Variants in XKR9 observed in about 807,000 individuals in gnomAD.
XKR9 encodes XK-related protein 9.
In XKR9, 32 loss-of-function variants were observed where a neutral mutation model predicts 32.0. The ratio of observed to expected loss-of-function variants is 1.00; its 90% CI spans 0.76 to 1.34. The LOEUF (loss-of-function observed/expected upper bound fraction) is 1.34. Ranked by LOEUF, XKR9 falls within the 40% of genes most tolerant of loss-of-function variation. XKR9 has a pLI of 0.00. For synonymous variants in XKR9, 168 were observed against 143.4 expected, an observed-to-expected ratio of 1.17 and a Z score of -1.22; for missense variants, 546 against 429.7, an observed-to-expected ratio of 1.27 and a Z score of -2.39.
chr8:71,011,387 T>C, the XKR9 span, among the ~76,000 whole-genome samples: 1 of 152,186 alleles, frequency 6.6e-6, no homozygotes, highest in Non-Finnish European at 1.5e-5. Context: ...CCAAATACTT[T>C]CAAATTTTAT....
chr8:70,988,070 G>A, the XKR9 span, among the ~76,000 whole-genome samples: 1 of 152,048 alleles, frequency 6.6e-6, no homozygotes, highest in Admixed American at 6.5e-5. Context: ...GAGGACCCTG[G>A]GCCTGGTCAA....
chr8:70,771,280 C>T (rs1807450304), intron 2 of XKR9, among the ~76,000 whole-genome samples: 1 of 152,164 alleles, frequency 6.6e-6, no homozygotes, highest in African/African-American at 2.4e-5. Flanking sequence ...GAACCTGGTA[C>T]CTCAGTTGGA....
intron 2 of XKR9, among the ~76,000 whole-genome samples, chr8:70,752,232 T>G (rs1807152534): frequency 6.6e-6 from 1 of 152,248 alleles, no homozygotes; most frequent in Non-Finnish European, 1.5e-5. Flanking sequence ...ACTGGCTTCT[T>G]TAAAACACAA....
the XKR9 span, among the ~76,000 whole-genome samples, chr8:70,902,992 A>C: frequency 6.6e-6 from 1 of 152,174 alleles, no homozygotes; most frequent in East Asian, 1.9e-4. Context: ...GATGAAGCCA[A>C]CTTGATCATG....
At chr8:70,779,478 T>C (rs978755428) in intron 2 of XKR9, among the ~76,000 whole-genome samples, 6 of 152,192 alleles carry the variant, frequency 3.9e-5, no homozygotes, top group African/African-American at 1.4e-4. Flanking sequence ...TAAAATGAGG[T>C]AGGGAGGATT....
At chr8:70,900,329 C>A in the XKR9 span, among the ~76,000 whole-genome samples, 1 of 152,098 alleles carries the variant, frequency 6.6e-6, no homozygotes, top group Non-Finnish European at 1.5e-5. Flanking sequence ...AGTGCTCGCG[C>A]TTGTAATCCC....
At chr8:70,755,090 G>A (rs926499894) in intron 2 of XKR9, among the ~76,000 whole-genome samples, 6 of 152,114 alleles carry the variant, frequency 3.9e-5, no homozygotes, top group Non-Finnish European at 7.3e-5. Flanking sequence ...CCATCAAAAA[G>A]TGGCAAAGGA....
chr8:70,913,443 A>T, the XKR9 span, among the ~76,000 whole-genome samples: 1 of 152,148 alleles, frequency 6.6e-6, no homozygotes, highest in Non-Finnish European at 1.5e-5. Flanking sequence ...AACAATAAAC[A>T]TATAAAATTT....
At chr8:70,803,978 G>C in the XKR9 span, among the ~76,000 whole-genome samples, 1 of 152,302 alleles carries the variant, frequency 6.6e-6, no homozygotes, top group Non-Finnish European at 1.5e-5. Context: ...CCCACCTTCT[G>C]GGTGTCTCCC....
the XKR9 span, among the ~76,000 whole-genome samples, chr8:70,860,696 C>A: frequency 2.4e-4 from 36 of 151,672 alleles, no homozygotes; most frequent in Middle Eastern, 6.8e-3. Flanking sequence ...CTATTTTCAC[C>A]CTTCTCCTGC....
At chr8:70,677,604 C>T (rs1261277001) in intron 2 of XKR9, among the ~76,000 whole-genome samples, 1 of 152,162 alleles carries the variant, frequency 6.6e-6, no homozygotes, top group Non-Finnish European at 1.5e-5. Context: ...TATACTCACA[C>T]AGCTATAAAT....
chr8:70,942,717 T>C, the XKR9 span, among the ~76,000 whole-genome samples: 1 of 152,146 alleles, frequency 6.6e-6, no homozygotes, highest in Non-Finnish European at 1.5e-5. Context: ...CGGTTGGGGC[T>C]AAAAGTATTA....
intron 2 of XKR9, among the ~76,000 whole-genome samples, chr8:70,679,491 T>C (rs1250968253): frequency 6.6e-6 from 1 of 152,174 alleles, no homozygotes; most frequent in Non-Finnish European, 1.5e-5. Flanking sequence ...GACACACAGC[T>C]AGTAGGTAGC....
At chr8:70,970,159 G>C in the XKR9 span, among the ~76,000 whole-genome samples, 2 of 152,076 alleles carry the variant, frequency 1.3e-5, no homozygotes, top group African/African-American at 4.8e-5. Context: ...GGGCATTTGG[G>C]TGGTACCATA....
the XKR9 span, among the ~76,000 whole-genome samples, chr8:70,806,305 G>A: frequency 6.6e-6 from 1 of 152,202 alleles, no homozygotes; most frequent in Non-Finnish European, 1.5e-5. Context: ...TCACAAAGTT[G>A]AGAAGGAATC....
chr8:70,943,257 G>A, the XKR9 span, among the ~76,000 whole-genome samples: 1 of 151,930 alleles, frequency 6.6e-6, no homozygotes, highest in African/African-American at 2.4e-5. Context: ...TAAATATTTG[G>A]TTTTCCAAAT....
intron 2 of XKR9, among the ~76,000 whole-genome samples, chr8:70,675,333 A>G (rs1220501908): frequency 6.6e-6 from 1 of 152,170 alleles, no homozygotes. Flanking sequence ...AGGCTGAGGC[A>G]GAAGAATCAC....
rs973193731 is a variant in XKR9, at chr8:70,735,511, G to A, written c.*1087G>A. The A allele has an allele frequency of 5.3e-5, 8 of 151,054 alleles. No individual in the cohort carries two copies. The highest frequency in any genetic ancestry group is 4.4e-5 in the Non-Finnish European group (3 of 67,794). The allele number at this position is 151,054 out of a possible 1,614,324, so 9.4% of individuals were successfully genotyped here. On this transcript the variant is annotated 3_prime_UTR_variant, in exon 5 of 5. Transcript: ENST00000408926. ...AAGGTTTAGGGTACATGTGCACAAT[G>A]TGCAGGTTAGTTACATATGTATACA...
the XKR9 span, among the ~76,000 whole-genome samples, chr8:70,808,043 A>T: frequency 6.6e-6 from 1 of 152,018 alleles, no homozygotes; most frequent in Non-Finnish European, 1.5e-5. Context: ...TGCAAAAAAA[A>T]CCTCTAAAAT....
Sources: gnomAD v4.1 joint callset for allele counts (sites outside exome capture counted in the v4.1 genomes callset) on GRCh38, gnomAD v4.1.1 for gene constraint, MANE v1.5 for transcripts, NCBI Gene and HGNC (gene_info 2026-07-23, HGNC 2026-07-21) for gene names.